Variants in WAPL observed in about 807,000 individuals in gnomAD.
WAPL encodes the protein WAPL cohesin release factor.
Under a neutral mutation model 121.0 loss-of-function variants are expected in WAPL, and 5 were observed. That is an observed-to-expected ratio of 0.04 (90% CI 0.02 to 0.09). WAPL has a LOEUF of 0.09. Ranked by LOEUF, WAPL falls within the 10% of genes least tolerant of loss-of-function variation. WAPL has a pLI of 1.00. For synonymous variants in WAPL, 480 were observed against 481.5 expected (o/e 1.00, Z 0.04); for missense variants, 999 against 1,410.8 (o/e 0.71, Z 4.68).
At chr10:86,460,857 G>A (rs1161113238) in intron 10 of WAPL, among the ~76,000 whole-genome samples, 1 of 152,088 alleles carries the variant, frequency 6.6e-6, no homozygotes, top group African/African-American at 2.4e-5. Context: ...GGGATTACAA[G>A]CATGCACCAC....
intron 4 of WAPL, among the ~76,000 whole-genome samples, chr10:86,485,409 C>T (rs968346526): frequency 6.6e-6 from 1 of 151,940 alleles, no homozygotes; most frequent in African/African-American, 2.4e-5. Context: ...TGGTGGCACC[C>T]ACCTGTAGTC....
At chr10:86,474,670 C>A (rs571419958) in intron 4 of WAPL, among the ~76,000 whole-genome samples, 1 of 152,216 alleles carries the variant, frequency 6.6e-6, no homozygotes, top group Non-Finnish European at 1.5e-5. Flanking sequence ...TCAAGACCAA[C>A]CTGGGTGAGC....
chr10:86,473,619 A>C (rs1029647718), intron 5 of WAPL, among the ~76,000 whole-genome samples: 3 of 152,198 alleles, frequency 2.0e-5, no homozygotes, highest in African/African-American at 7.2e-5. Flanking sequence ...AATTCCATGA[A>C]ATGTGGGTCA....
rs139652925 is a variant in WAPL, at chr10:86,445,527, C to CT, written c.3322+714dup. Among the ~76,000 whole-genome samples the CT allele has an allele frequency of 1.7e-3, 248 of 146,588 alleles. 1 individual carries two copies. Among genetic ancestry groups the CT allele is most frequent in the African/African-American group, 3.9e-3 (157 of 39,872 alleles). On this transcript the variant is annotated intron_variant, in intron 16 of 18. Coordinates refer to ENST00000298767, the MANE Select transcript of WAPL (RefSeq NM_015045.5). ...TTAGCGAAGATATTACCTCTAGTAT[C>CT]TTTTTTTTTTTTAATGAGAAAGGGC...
intron 4 of WAPL, among the ~76,000 whole-genome samples, chr10:86,486,114 T>C (rs1057442506): frequency 6.6e-6 from 1 of 152,200 alleles, no homozygotes; most frequent in Admixed American, 6.5e-5. Context: ...AATTAATATA[T>C]CAGGTTTCTA....
chr10:86,479,716 C>G (rs960239911), intron 4 of WAPL, among the ~76,000 whole-genome samples: 1 of 152,212 alleles, frequency 6.6e-6, no homozygotes, highest in Non-Finnish European at 1.5e-5. Context: ...TTCAATCAAT[C>G]AGCACGAAGT....
chr10:86,447,593 A>AT (rs1008747730), intron 15 of WAPL, among the ~76,000 whole-genome samples: 6 of 151,634 alleles, frequency 4.0e-5, no homozygotes, highest in Non-Finnish European at 7.3e-5. Context: ...GGGGACTCTT[A>AT]TAAAAAAAAA....
rs545916507 is a variant in WAPL, at chr10:86,505,476, G to A, written c.500-4733C>T. On this transcript the variant is annotated intron_variant, in intron 2 of 18. Transcript: ENST00000298767. The stretch of plus-strand genomic sequence containing the variant: ...TAATTTTTTTATTTTTAGCAGAGAC[G>A]GGGTTTCACCATGTTGACCAGGCTG... Among the ~76,000 whole-genome samples the A allele has an allele frequency of 1.1e-4, 16 of 148,904 alleles. No individual in the cohort carries two copies. The East Asian group carries it at 2.8e-3, about 26-fold the overall frequency.
chr10:86,476,290 G>A (rs12573062), intron 4 of WAPL, among the ~76,000 whole-genome samples: 39,526 of 152,086 alleles, frequency 0.26, 6,006 homozygotes, highest in South Asian at 0.44. Flanking sequence ...GCTAGAACCC[G>A]GGAGTCGGAG....
intron 13 of WAPL, 107 bp downstream of exon 13, chr10:86,453,549 A>G: frequency 7.4e-7 from 1 of 1,346,244 alleles, no homozygotes; most frequent in Non-Finnish European, 1.0e-6. Flanking sequence ...CAAGTACATT[A>G]TGACAAATAA....
rs1842585951 is a variant in WAPL at position 86,517,691 on chromosome 10, T to C, written c.379A>G (p.Thr127Ala). The C allele has an allele frequency of 6.2e-6, 10 of 1,614,180 alleles. No homozygotes were observed. The highest frequency in any genetic ancestry group is 8.5e-6 in the Non-Finnish European group (10 of 1,180,030). Residue 127 changes from threonine to alanine, a missense_variant, in exon 2 of 19, where the codon ACT (threonine) becomes GCT (alanine). Coordinates refer to ENST00000298767, the MANE Select transcript of WAPL (RefSeq NM_015045.5). The part of the protein sequence containing the change: ...SKISHVVVED[T>A]VVSDKCFPLE... ...GGGAAGCATTTATCAGAAACGACAG[T>C]GTCTTCAACGACCACATGACTAATT...
chr10:86,457,533 G>A (rs1238108542), intron 12 of WAPL, among the ~76,000 whole-genome samples: 1 of 151,754 alleles, frequency 6.6e-6, no homozygotes, highest in Non-Finnish European at 1.5e-5. Flanking sequence ...CACACCTGTT[G>A]TCCCAGCTAT....
intron 17 of WAPL, among the ~76,000 whole-genome samples, chr10:86,438,253 CTT>C (rs11402864): frequency 2.7e-4 from 38 of 138,534 alleles, no homozygotes; most frequent in Non-Finnish European, 2.5e-4. Flanking sequence ...TACACATTTA[CTT>C]TTTTTTTTTT....
chr10:86,500,204 T>C lies in WAPL; in HGVS notation c.1039A>G (p.Ser347Gly), dbSNP rs756895197. The C allele has an allele frequency of 1.2e-6, 2 of 1,614,206 alleles. No homozygotes were observed. The highest frequency in any genetic ancestry group is 1.7e-5 in the Admixed American group (1 of 60,022). The change falls in exon 3 of 19, where the codon AGT becomes GGT. Residue 347 changes from serine to glycine, a missense_variant. This residue lies in a region of WAPL where 531 missense variants were observed against 563.1 expected (regional missense o/e 0.94). Transcript: ENST00000298767. ...AKKGGVSCGT[S>G]FRGTVGRTRD... Reference sequence around the variant, plus strand: ...GTCCGTCCAACTGTCCCTCTAAAACTGGTCCCACAACTTACACCCCCTTTC... The same window carrying C: ...GTCCGTCCAACTGTCCCTCTAAAACCGGTCCCACAACTTACACCCCCTTTC...
intron 2 of WAPL, among the ~76,000 whole-genome samples, chr10:86,501,614 C>CA (rs1276632526): frequency 5.3e-5 from 8 of 152,188 alleles, no homozygotes; most frequent in Non-Finnish European, 8.8e-5. Flanking sequence ...TTAGCATCAT[C>CA]AAATACAGGT....
chr10:86,475,214 A>T (rs1841624523), intron 4 of WAPL, among the ~76,000 whole-genome samples: 1 of 152,224 alleles, frequency 6.6e-6, no homozygotes, highest in African/African-American at 2.4e-5. Flanking sequence ...TTCAAGAGAA[A>T]ACTGCATAAT....
At chr10:86,463,498 C>T (rs1190374624) in intron 9 of WAPL, among the ~76,000 whole-genome samples, 1 of 152,158 alleles carries the variant, frequency 6.6e-6, no homozygotes, top group African/African-American at 2.4e-5. Context: ...TCATTTTTAA[C>T]AGAAAAAGTT....
intron 4 of WAPL, among the ~76,000 whole-genome samples, chr10:86,495,546 A>G (rs1369953846): frequency 3.3e-5 from 5 of 152,198 alleles, no homozygotes; most frequent in Admixed American, 3.3e-4. Flanking sequence ...CAACGATCTA[A>G]ACGTAACGAC....
chr10:86,495,781 T>C (rs1425963200), intron 4 of WAPL, among the ~76,000 whole-genome samples: 1 of 152,072 alleles, frequency 6.6e-6, no homozygotes, highest in Admixed American at 6.6e-5. Context: ...AGGATTAACA[T>C]ACTACTACAA....
Sources: allele counts gnomAD v4.1 joint callset (sites outside exome capture counted in the v4.1 genomes callset), GRCh38; gene constraint gnomAD v4.1.1; regional missense constraint gnomAD v4.1.1; transcripts MANE v1.5; gene names NCBI Gene and HGNC (gene_info 2026-07-23, HGNC 2026-07-21).